Variants in CNTN4 observed in about 807,000 individuals in gnomAD.
The protein encoded by CNTN4 is contactin 4.
Under a neutral mutation model 122.5 loss-of-function variants are expected in CNTN4, and 77 were observed. That is an observed-to-expected ratio of 0.63 (90% CI 0.52 to 0.76). The LOEUF (loss-of-function observed/expected upper bound fraction) is 0.76, where lower values mean the gene tolerates loss of function less well. CNTN4 is among the 30% of genes least tolerant of loss of function. CNTN4 has a pLI of 0.00. For synonymous variants in CNTN4, 512 were observed against 447.0 expected (o/e 1.15, Z -1.83); for missense variants, 1,256 against 1,259.1 (o/e 1.00, Z 0.04).
intron 13 of CNTN4, among the ~76,000 whole-genome samples, chr3:2,947,935 G>T (rs535480000): frequency 6.6e-6 from 1 of 152,138 alleles, no homozygotes; most frequent in Non-Finnish European, 1.5e-5. Flanking sequence ...TGCCATTAAA[G>T]CTGTCTCTAT....
intron 4 of CNTN4, among the ~76,000 whole-genome samples, chr3:2,599,528 C>A (rs2080930968): frequency 6.6e-6 from 1 of 152,120 alleles, no homozygotes; most frequent in Non-Finnish European, 1.5e-5. Context: ...AGTAACAAGT[C>A]CCATGTGTGA....
chr3:2,482,895 C>T (rs1193540944), intron 3 of CNTN4, among the ~76,000 whole-genome samples: 1 of 152,166 alleles, frequency 6.6e-6, no homozygotes, highest in African/African-American at 2.4e-5. Context: ...CATGGAGAAC[C>T]TTTGCTAGGG....
At chr3:2,515,695 T>C (rs1232658955) in intron 3 of CNTN4, among the ~76,000 whole-genome samples, 1 of 152,094 alleles carries the variant, frequency 6.6e-6, no homozygotes, top group East Asian at 1.9e-4. Context: ...ACTAAATCCA[T>C]CACTAATGAG....
intron 2 of CNTN4, among the ~76,000 whole-genome samples, chr3:2,216,107 T>A (rs2038829315): frequency 6.6e-6 from 1 of 151,978 alleles, no homozygotes; most frequent in Admixed American, 6.6e-5. Flanking sequence ...GCAGCACTCT[T>A]CACAATAGCA....
intron 3 of CNTN4, among the ~76,000 whole-genome samples, chr3:2,520,062 T>G (rs2077154942): frequency 1.3e-5 from 2 of 152,076 alleles, no homozygotes; most frequent in Non-Finnish European, 2.9e-5. Context: ...AGAAATCATA[T>G]TACAGGTATG....
chr3:2,978,499 AG>A (rs1469255842), intron 13 of CNTN4, among the ~76,000 whole-genome samples: 1 of 152,262 alleles, frequency 6.6e-6, no homozygotes, highest in African/African-American at 2.4e-5. Flanking sequence ...TGGTGCCCTA[AG>A]GGGATATGTT....
intron 2 of CNTN4, among the ~76,000 whole-genome samples, chr3:2,109,505 A>C (rs188373613): frequency 6.6e-6 from 1 of 152,320 alleles, no homozygotes; most frequent in Non-Finnish European, 1.5e-5. Flanking sequence ...GTATTAATAT[A>C]AATCTTGAGT....
At chr3:2,103,724 CT>C (rs972773753) in intron 2 of CNTN4, among the ~76,000 whole-genome samples, 28 of 54,936 alleles carry the variant, frequency 5.1e-4, no homozygotes, top group Middle Eastern at 8.6e-3. Flanking sequence ...TTTTATTTAT[CT>C]ATTTATTTAT....
intron 2 of CNTN4, among the ~76,000 whole-genome samples, chr3:2,151,150 C>A: frequency 6.6e-6 from 1 of 152,134 alleles, no homozygotes; most frequent in East Asian, 1.9e-4. Context: ...GTCTGGAACT[C>A]CTGACCTCAA....
chr3:2,343,494 C>T (rs1372308886), intron 3 of CNTN4, among the ~76,000 whole-genome samples: 3 of 152,138 alleles, frequency 2.0e-5, no homozygotes, highest in African/African-American at 7.2e-5. Context: ...TGAGACTGGT[C>T]GCGGGTCACT....
chr3:2,477,839 A>G (rs1464174743), intron 3 of CNTN4, among the ~76,000 whole-genome samples: 1 of 152,226 alleles, frequency 6.6e-6, no homozygotes, highest in Non-Finnish European at 1.5e-5. Context: ...GAGGTATTGC[A>G]GGCTGTGGCC....
chr3:2,719,683 C>T (rs1211495503), intron 4 of CNTN4, among the ~76,000 whole-genome samples: 3 of 152,140 alleles, frequency 2.0e-5, no homozygotes, highest in African/African-American at 7.2e-5. Context: ...TTGGGCCTCC[C>T]AAAGTGCTAG....
intron 15 of CNTN4, among the ~76,000 whole-genome samples, chr3:3,028,319 T>A (rs1009839589): frequency 1.3e-5 from 2 of 151,944 alleles, no homozygotes; most frequent in Non-Finnish European, 2.9e-5. Flanking sequence ...ATGTAGATCT[T>A]AGTTAATAGT....
At chr3:2,101,211 G>A (rs2125078984) in intron 2 of CNTN4, among the ~76,000 whole-genome samples, 1 of 152,138 alleles carries the variant, frequency 6.6e-6, no homozygotes, top group Non-Finnish European at 1.5e-5. Context: ...TTCAAAAGTA[G>A]GTCTTCTGAT....
intron 4 of CNTN4, among the ~76,000 whole-genome samples, chr3:2,663,331 T>C (rs1388731329): frequency 6.6e-6 from 1 of 152,160 alleles, no homozygotes; most frequent in African/African-American, 2.4e-5. Context: ...ATTCAAGAAG[T>C]ACTGTAGGTA....
intron 2 of CNTN4, among the ~76,000 whole-genome samples, chr3:2,310,938 A>C (rs537590137): frequency 2.7e-4 from 41 of 151,644 alleles, no homozygotes; most frequent in African/African-American, 9.4e-4. Context: ...ATGTGTTTTG[A>C]AAATTTCACA....
intron 15 of CNTN4, among the ~76,000 whole-genome samples, chr3:3,026,884 T>C (rs74319804): frequency 6.6e-6 from 1 of 152,182 alleles, no homozygotes; most frequent in African/African-American, 2.4e-5. Context: ...AGGTTAAATC[T>C]GGGAACAATT....
chr3:2,317,282 G>A (rs2043138362), intron 2 of CNTN4, among the ~76,000 whole-genome samples: 1 of 152,206 alleles, frequency 6.6e-6, no homozygotes, highest in Non-Finnish European at 1.5e-5. Flanking sequence ...TTGTGATGGA[G>A]TTGGGGTTTC....
chr3:2,895,182 G>A (rs143257675), intron 10 of CNTN4, among the ~76,000 whole-genome samples: 9,031 of 152,058 alleles, frequency 0.059, 918 homozygotes, highest in African/African-American at 0.21. Flanking sequence ...CACCATGTTG[G>A]CCAGGCTGGT....
Sources: gnomAD v4.1 joint callset for allele counts (sites outside exome capture counted in the v4.1 genomes callset) on GRCh38, gnomAD v4.1.1 for gene constraint, MANE v1.5 for transcripts, NCBI Gene and HGNC (gene_info 2026-07-23, HGNC 2026-07-21) for gene names.